The following NSUN6 variants were observed in gnomAD, a reference collection of about 807,000 sequenced individuals.
The protein encoded by NSUN6 is NOP2/Sun RNA methyltransferase 6, also known as tRNA (cytosine(72)-C(5))-methyltransferase NSUN6.
In NSUN6, 64 loss-of-function variants were observed where a neutral mutation model predicts 58.0. That is an observed-to-expected ratio of 1.10 (90% CI 0.90 to 1.36). NSUN6 has a LOEUF of 1.36. Among genes scored for constraint, NSUN6 ranks in the 40% most tolerant of loss-of-function variants. NSUN6 has a pLI of 0.00. For synonymous variants in NSUN6, 231 were observed against 193.9 expected, an observed-to-expected ratio of 1.19 and a Z score of -1.59; for missense variants, 701 against 550.1, an observed-to-expected ratio of 1.27 and a Z score of -2.74.
In NSUN6 at chr10:18,586,013, G is replaced by C. The variant is rs778260288; in HGVS notation, c.858C>G (p.Ser286=). The change falls in exon 8 of 11, where the codon TCC becomes TCG. Residue 286 remains serine, a synonymous_variant. Coordinates refer to ENST00000377304, the MANE Select transcript of NSUN6 (RefSeq NM_182543.5). The stretch of plus-strand genomic sequence containing the variant: ...TTCCATCAAAACAAAATGCCCTGAT[G>C]GAATTCAGCCCTAACAATAAGGCAT... ...KQNALLLGLN[S]IRAFCFDGTK... 1.2e-6 allele frequency: 2 copies of C among 1,612,746 alleles called. No individual in the cohort carries two copies. The highest frequency in any genetic ancestry group is 1.7e-6 in the Non-Finnish European group (2 of 1,179,432).
chr10:18,624,385 C>T (rs971092991), intron 3 of NSUN6, among the ~76,000 whole-genome samples: 4 of 151,808 alleles, frequency 2.6e-5, no homozygotes, highest in African/African-American at 9.7e-5. Flanking sequence ...ACAGGCCTAA[C>T]AACAAATGGG....
At chr10:18,627,950 G>A (rs1297474218) in intron 3 of NSUN6, among the ~76,000 whole-genome samples, 1 of 152,264 alleles carries the variant, frequency 6.6e-6, no homozygotes, top group African/African-American at 2.4e-5. Flanking sequence ...CCACCTCTGG[G>A]GGCAGGGCAC....
At chr10:18,551,402 T>G (rs2054597460) in intron 9 of NSUN6, among the ~76,000 whole-genome samples, 1 of 151,916 alleles carries the variant, frequency 6.6e-6, no homozygotes, top group Non-Finnish European at 1.5e-5. Context: ...TCTCCAGAAC[T>G]TTTTCATTAT....
At chr10:18,626,313 G>A (rs896162705) in intron 3 of NSUN6, among the ~76,000 whole-genome samples, 1 of 151,836 alleles carries the variant, frequency 6.6e-6, no homozygotes, top group African/African-American at 2.4e-5. Context: ...GCCGAGGAGG[G>A]TGGATCACTT....
At chr10:18,600,993 T>C (rs1340902850) in intron 6 of NSUN6, among the ~76,000 whole-genome samples, 3 of 126,418 alleles carry the variant, frequency 2.4e-5, no homozygotes, top group Non-Finnish European at 3.3e-5. Flanking sequence ...TATATATATA[T>C]TATATACTAG....
chr10:18,564,055 TCATTC>T (rs1166195175), intron 8 of NSUN6, among the ~76,000 whole-genome samples: 4 of 150,700 alleles, frequency 2.7e-5, no homozygotes, highest in South Asian at 2.1e-4. Context: ...CCATTTCATT[TCATTC>T]CATTCCATTC....
At chr10:18,561,711 A>G (rs1178254218) in intron 8 of NSUN6, among the ~76,000 whole-genome samples, 2 of 148,966 alleles carry the variant, frequency 1.3e-5, no homozygotes, top group East Asian at 2.0e-4. Context: ...AGAATGGAAT[A>G]GAATGGAGAA....
chr10:18,644,839 C>CAA (rs1162708826), intron 2 of NSUN6, among the ~76,000 whole-genome samples: 2 of 97,536 alleles, frequency 2.1e-5, no homozygotes, highest in Non-Finnish European at 4.2e-5. Context: ...GACTCCGTCT[C>CAA]AAAAAAAAAA....
intron 8 of NSUN6, among the ~76,000 whole-genome samples, chr10:18,579,417 G>A (rs540705801): frequency 1.3e-5 from 2 of 151,062 alleles, no homozygotes; most frequent in African/African-American, 2.4e-5. Flanking sequence ...TGATCCACCC[G>A]CCTCAGCCTC....
upstream of NSUN6, chr10:18,651,707 C>G: frequency 1.0e-6 from 1 of 985,874 alleles, no homozygotes; most frequent in Non-Finnish European, 1.2e-6. Context: ...GCAAGTTTCC[C>G]CAACACTGCG....
At chr10:18,635,383 G>A (rs796702101) in intron 3 of NSUN6, among the ~76,000 whole-genome samples, 3 of 152,312 alleles carry the variant, frequency 2.0e-5, no homozygotes, top group African/African-American at 7.2e-5. Flanking sequence ...CCTGAGGGCT[G>A]TCTTGGGAAT....
chr10:18,650,511 A>G (rs1163691503), intron 1 of NSUN6, among the ~76,000 whole-genome samples: 2 of 152,208 alleles, frequency 1.3e-5, no homozygotes, highest in African/African-American at 4.8e-5. Context: ...AAGCCACGTA[A>G]TTTACAAAGC....
intron 8 of NSUN6, among the ~76,000 whole-genome samples, chr10:18,553,975 C>T (rs1202981562): frequency 8.1e-5 from 11 of 136,414 alleles, no homozygotes; most frequent in East Asian, 2.3e-4. Flanking sequence ...GGAATGGAAT[C>T]GACAATGCAG....
chr10:18,561,066 T>C (rs1356214510), intron 8 of NSUN6, among the ~76,000 whole-genome samples: 5 of 144,788 alleles, frequency 3.5e-5, no homozygotes, highest in Admixed American at 6.9e-5. Flanking sequence ...GAGGATGGTA[T>C]AGAAAATGGA....
At chr10:18,622,037 G>GACACACAC (rs370576076) in intron 3 of NSUN6, among the ~76,000 whole-genome samples, 36 of 148,448 alleles carry the variant, frequency 2.4e-4, no homozygotes, top group African/African-American at 8.1e-4. Flanking sequence ...ATATACGAAT[G>GACACACAC]ACACACACAC....
intron 8 of NSUN6, among the ~76,000 whole-genome samples, chr10:18,555,627 A>G (rs2054941717): frequency 6.9e-6 from 1 of 145,682 alleles, no homozygotes; most frequent in Admixed American, 7.0e-5. Context: ...ATGGAATGGA[A>G]TGGAGCATGG....
At chr10:18,565,130 TCCATTCTCCATTGCATA>T (rs1390999576) in intron 8 of NSUN6, among the ~76,000 whole-genome samples, 2 of 151,450 alleles carry the variant, frequency 1.3e-5, no homozygotes, top group Non-Finnish European at 3.0e-5. Flanking sequence ...TCCATTCTAT[TCCATTCTCCATTGCATA>T]CCATTCTCCA....
At chr10:18,657,576 GT>G (rs1002849713), upstream of NSUN6, among the ~76,000 whole-genome samples, 78 of 151,452 alleles carry the variant, frequency 5.2e-4, no homozygotes, top group African/African-American at 1.8e-3. Flanking sequence ...GAAATCTATA[GT>G]TTTTTTTGCT....
At chr10:18,628,105 C>T (rs1475258518) in intron 3 of NSUN6, among the ~76,000 whole-genome samples, 1 of 152,214 alleles carries the variant, frequency 6.6e-6, no homozygotes, top group Non-Finnish European at 1.5e-5. Context: ...CCCCTGACCC[C>T]TGAGCAGCCT....
Sources: gnomAD v4.1 joint callset for allele counts (sites outside exome capture counted in the v4.1 genomes callset) on GRCh38, gnomAD v4.1.1 for gene constraint, MANE v1.5 for transcripts, NCBI Gene and HGNC (gene_info 2026-07-23, HGNC 2026-07-21) for gene names.